The following EMSY variants were observed in gnomAD, a reference collection of about 807,000 sequenced individuals.
EMSY encodes the protein BRCA2-interacting transcriptional repressor EMSY.
Under a neutral mutation model 134.6 loss-of-function variants are expected in EMSY, and 26 were observed. The observed-to-expected ratio is 0.19, with a 90% CI of 0.14 to 0.27. The LOEUF (loss-of-function observed/expected upper bound fraction) is 0.27, where lower values mean the gene tolerates loss of function less well. Among genes scored for constraint, EMSY ranks in the 10% least tolerant of loss-of-function variants. The probability of loss-of-function intolerance (pLI) is 1.00; values close to 1 mark genes in which losing one functional copy is unlikely to be tolerated. For synonymous variants in EMSY, 579 were observed against 577.8 expected, an observed-to-expected ratio of 1.00 and a Z score of -0.03; for missense variants, 1,305 against 1,611.4, an observed-to-expected ratio of 0.81 and a Z score of 3.26.
chr11:76,480,469 G>GA (rs1948927624), intron 8 of EMSY, among the ~76,000 whole-genome samples: 1 of 152,212 alleles, frequency 6.6e-6, no homozygotes, highest in Non-Finnish European at 1.5e-5. Flanking sequence ...ATTTCTTGAT[G>GA]ACTGTTCTCA....
exon 13 of EMSY, chr11:76,526,590 A>C: frequency 6.2e-7 from 1 of 1,613,636 alleles, no homozygotes. Flanking sequence ...CAGCAGCTAA[A>C]ATCATCCCAA....
intron 16 of EMSY, among the ~76,000 whole-genome samples, chr11:76,538,336 T>C (rs1286515057): frequency 6.6e-6 from 1 of 152,188 alleles, no homozygotes; most frequent in Non-Finnish European, 1.5e-5. Flanking sequence ...CATGATTCAC[T>C]GCAGCCTCAA....
intron 11 of EMSY, among the ~76,000 whole-genome samples, chr11:76,518,684 C>CATATATATAT (rs796392038): frequency 0.03 from 3,651 of 121,360 alleles, 94 homozygotes; most frequent in African/African-American, 0.046. Context: ...TGTGTGCGCG[C>CATATATATAT]ATATATATAT....
intron 7 of EMSY, 34 bp from the exon 9 acceptor site, chr11:76,472,530 G>T: frequency 6.3e-7 from 1 of 1,577,738 alleles, no homozygotes; most frequent in South Asian, 1.1e-5. Context: ...TAGTTTAGTA[G>T]GTACATAAAA....
At chr11:76,475,600 A>C (rs906842285) in intron 8 of EMSY, among the ~76,000 whole-genome samples, 15 of 152,230 alleles carry the variant, frequency 9.9e-5, no homozygotes, top group African/African-American at 3.6e-4. Context: ...CTGAGTATAG[A>C]TACTCAAGGA....
At chr11:76,489,400 A>G (rs1425722853) in intron 8 of EMSY, among the ~76,000 whole-genome samples, 2 of 145,702 alleles carry the variant, frequency 1.4e-5, no homozygotes, top group Non-Finnish European at 3.0e-5. Flanking sequence ...GTGGCTTTGT[A>G]CATTTCTCCC....
At chr11:76,550,295 G>C in exon 21 of EMSY, 1 of 509,978 alleles carries the variant, frequency 2.0e-6, no homozygotes, top group Non-Finnish European at 3.1e-6. Flanking sequence ...GTTGCTGCAG[G>C]AGCAGCTTTT....
rs942187343 is a variant in EMSY at position 76,458,699 on chromosome 11, A to C, written c.421+341A>C. ...GTAACAGAAGTCATTTAGCTACTAA[A>C]AAATGATTCTGAACTGATAGCTTTA... is the stretch of plus-strand genomic sequence containing the variant. On this transcript the variant is annotated intron_variant, in intron 5 of 20. Transcript: ENST00000334736. 43 of 174,506 alleles carry C rather than the reference A, an allele frequency of 2.5e-4. 1 individual carries two copies. The highest frequency in any genetic ancestry group is 2.4e-5 in the Non-Finnish European group (2 of 82,810). 10.8% of individuals were successfully genotyped at this position (174,506 alleles called of 1,614,324 possible).
intron 6 of EMSY, among the ~76,000 whole-genome samples, chr11:76,462,491 T>C (rs1283905685): frequency 2.0e-5 from 3 of 152,184 alleles, no homozygotes; most frequent in Middle Eastern, 3.2e-3. Flanking sequence ...ATGGGAGATA[T>C]GTAGACAATC....
chr11:76,448,897 G>C (rs1003336859), intron 2 of EMSY, among the ~76,000 whole-genome samples: 1 of 152,070 alleles, frequency 6.6e-6, no homozygotes, highest in South Asian at 2.1e-4. Context: ...TACATATAAA[G>C]AAATTGGGAT....
intron 11 of EMSY, among the ~76,000 whole-genome samples, chr11:76,520,101 CT>C (rs1232416840): frequency 3.3e-5 from 5 of 151,992 alleles, no homozygotes; most frequent in African/African-American, 4.8e-5. Flanking sequence ...TATTTATCCC[CT>C]GATACAGAAA....
At chr11:76,505,221 T>C (rs2513510) in intron 9 of EMSY, among the ~76,000 whole-genome samples, 139,889 of 152,152 alleles carry the variant, frequency 0.92, 64,883 homozygotes, top group South Asian at 0.98. Context: ...CGGTGGCTCA[T>C]GCCTGTAATC....
intron 4 of EMSY, among the ~76,000 whole-genome samples, chr11:76,456,010 G>T (rs1336410118): frequency 6.6e-6 from 1 of 152,098 alleles, no homozygotes; most frequent in East Asian, 1.9e-4. Context: ...GTGGGCCAAG[G>T]TAGTTTCATT....
chr11:76,459,553 C>G (rs540175410), intron 5 of EMSY: 2 of 159,904 alleles, frequency 1.3e-5, no homozygotes, highest in South Asian at 3.9e-4. Flanking sequence ...AAAAATTATC[C>G]ACCCATATCA....
intron 9 of EMSY, 47 bp downstream of exon 10, chr11:76,496,516 C>A: frequency 6.2e-7 from 1 of 1,600,212 alleles, no homozygotes; most frequent in South Asian, 1.1e-5. Context: ...CTTTATTCAC[C>A]AGTTTTTTTA....
At chr11:76,494,868 T>A (rs960127976) in intron 8 of EMSY, among the ~76,000 whole-genome samples, 2 of 152,168 alleles carry the variant, frequency 1.3e-5, no homozygotes, top group African/African-American at 4.8e-5. Flanking sequence ...CCCGAGTAGC[T>A]GGGATTACAG....
chr11:76,539,718 C>T (rs773214985), intron 17 of EMSY, 78 bp downstream of exon 18: 154 of 1,333,666 alleles, frequency 1.2e-4, no homozygotes, highest in Non-Finnish European at 1.4e-4. Context: ...TAAATGGATG[C>T]GCTCTACTCT....
intron 7 of EMSY, 86 bp downstream of exon 8, chr11:76,464,166 C>G (rs2135183424): frequency 6.7e-7 from 1 of 1,493,956 alleles, no homozygotes. Context: ...TGAGTGCTTA[C>G]TATGTGCTTG....
At position 76,522,352 on chromosome 11, in the gene EMSY, C is replaced by CTTTTTTTTTTTTTTTTTTTTTTTTT. The variant is rs71040003; in HGVS notation, c.1685-797_1685-773dup. On this transcript the variant is annotated intron_variant, in intron 11 of 20. Coordinates refer to ENST00000334736, the Ensembl canonical transcript of EMSY. ...CTTGTTTTGTATATCGTTTACTTTG[C>CTTTTTTTTTTTTTTTTTTTTTTTTT]TTTTTTTTTTTTTTTTTTTTTTTTT... Among the ~76,000 whole-genome samples, 8 of 44,246 alleles carry CTTTTTTTTTTTTTTTTTTTTTTTTT rather than the reference C, an allele frequency of 1.8e-4. 3 individuals carry two copies. The highest frequency in any genetic ancestry group is 4.3e-4 in the Admixed American group (1 of 2,308). 29.0% of individuals were successfully genotyped at this position (44,246 alleles called of 152,430 possible). A position where few individuals can be genotyped will look rare whatever the true frequency, so the allele number is the denominator to read the frequency against.
Sources: allele counts gnomAD v4.1 joint callset (sites outside exome capture counted in the v4.1 genomes callset), GRCh38; gene constraint gnomAD v4.1.1; transcripts MANE v1.5; gene names NCBI Gene and HGNC (gene_info 2026-07-23, HGNC 2026-07-21).